Variants in HSBP1L1 observed in about 807,000 individuals in gnomAD.
HSBP1L1 encodes heat shock factor-binding protein 1-like protein 1.
HSBP1L1 carries 8 observed loss-of-function variants against 9.7 expected under a neutral mutation model. That is an observed-to-expected ratio of 0.82 (90% CI 0.48 to 1.48). HSBP1L1 has a LOEUF of 1.48. Among genes scored for constraint, HSBP1L1 ranks in the 40% most tolerant of loss-of-function variants. The pLI is 0.00. For missense variants in HSBP1L1, 106 were observed against 95.8 expected (o/e 1.11, Z -0.44); for synonymous variants, 39 against 34.4 (o/e 1.13, Z -0.46).
At chr18:79,969,024 C>CAAAA (rs1171308274) in intron 3 of HSBP1L1, among the ~76,000 whole-genome samples, 1 of 91,300 alleles carries the variant, frequency 1.1e-5, no homozygotes, top group Non-Finnish European at 2.3e-5. Flanking sequence ...ACTAAAAATA[C>CAAAA]AAAAAAAAAA....
In HSBP1L1 at chr18:79,964,859, T is replaced by TGG. The variant is rs1243275558; in HGVS notation, c.51+80_51+81dup. On this transcript the variant is annotated intron_variant, in intron 1 of 3. Transcript: ENST00000451882. ...GCGGTTCTGGGGGGTTTTGAGGTCC[T>TGG]GGGGGGGGAGCCTGCGGTGCTGGGG... is the stretch of plus-strand genomic sequence containing the variant. 123 of 58,872 alleles carry TGG rather than the reference T, an allele frequency of 2.1e-3. 1 individual carries two copies. Among genetic ancestry groups the TGG allele is most frequent in the African/African-American group, 0.01 (116 of 11,226 alleles). The allele number at this position is 58,872 out of a possible 1,614,324, so 3.6% of individuals were successfully genotyped here.
intron 1 of HSBP1L1, among the ~76,000 whole-genome samples, 183 bp from the exon 2 acceptor site, chr18:79,966,416 TGCTTGTAATCCCA>T (rs2051257426): frequency 6.6e-6 from 1 of 152,076 alleles, no homozygotes; most frequent in African/African-American, 2.4e-5. Flanking sequence ...TGGTGGCACA[TGCTTGTAATCCCA>T]GCTACTTGGA....
intron 3 of HSBP1L1, among the ~76,000 whole-genome samples, chr18:79,969,669 A>ACT (rs1452810926): frequency 1.3e-5 from 2 of 152,166 alleles, no homozygotes; most frequent in Non-Finnish European, 2.9e-5. Context: ...CTGCAGACAC[A>ACT]CTGGCATCAT....
chr18:79,970,373 C>A lies in HSBP1L1; in HGVS notation c.214-67C>A, dbSNP rs559389966. 115 of 717,732 alleles carry A rather than the reference C, an allele frequency of 1.6e-4. 1 individual carries two copies. The East Asian group carries it at 3.0e-3, about 19-fold the overall frequency. The allele number at this position is 717,732 out of a possible 1,614,324, so 44.5% of individuals were successfully genotyped here. On this transcript the variant is annotated intron_variant, in intron 3 of 3. Coordinates refer to ENST00000451882, the MANE Select transcript of HSBP1L1 (RefSeq NM_001136180.2). ...GCACCAGTGAGAACGTTATTAAAAT[C>A]AGGGGTGAACATACTTAATACACCT... is the stretch of plus-strand genomic sequence containing the variant.
intron 3 of HSBP1L1, among the ~76,000 whole-genome samples, chr18:79,969,317 GAAAGAAAGAAAGAAAAAGAAA>G (rs1568356543): frequency 6.7e-5 from 7 of 105,130 alleles, no homozygotes; most frequent in African/African-American, 2.7e-4. Flanking sequence ...AGAAAGGAAA[GAAAGAAAGAAAGAAAAAGAAA>G]GAAAGAAAGA....
chr18:79,968,235 T>TCC (rs2051267611), intron 3 of HSBP1L1, 52 bp downstream of exon 3: 2 of 1,069,918 alleles, frequency 1.9e-6, no homozygotes, highest in African/African-American at 1.6e-5. Flanking sequence ...TTGACTGCTT[T>TCC]CATCTTGAAA....
intron 3 of HSBP1L1, 113 bp downstream of exon 3, chr18:79,968,296 T>A (rs2051267899): frequency 7.7e-6 from 5 of 650,374 alleles, no homozygotes; most frequent in Non-Finnish European, 1.3e-5. Context: ...CTGTGCTGCA[T>A]GAAAACTGCT....
Position 79,967,005 on chromosome 18 carries a change from C to G in HSBP1L1, c.118+327C>G, listed in dbSNP as rs534370016. 2.8e-4 allele frequency: 51 copies of G among 185,186 alleles called. 1 individual carries two copies. The highest frequency in any genetic ancestry group is 2.3e-3 in the Middle Eastern group (1 of 428). 11.5% of individuals were successfully genotyped at this position (185,186 alleles called of 1,614,324 possible). A position where few individuals can be genotyped will look rare whatever the true frequency, so the allele number is the denominator to read the frequency against. Reference sequence around the variant, plus strand: ...CTACTAAAAATACAAAAAATTAGCCCGGCATGGTGGCGGGCGCCTGTAGTC... The same window carrying G: ...CTACTAAAAATACAAAAAATTAGCCGGGCATGGTGGCGGGCGCCTGTAGTC... On this transcript the variant is annotated intron_variant, in intron 2 of 3. Transcript: ENST00000451882.
chr18:79,969,222 A>G (rs149662478), intron 3 of HSBP1L1, among the ~76,000 whole-genome samples: 9 of 92,802 alleles, frequency 9.7e-5, no homozygotes, highest in African/African-American at 2.6e-4. Flanking sequence ...GAAAGAAAGA[A>G]AGAGGAGAGA....
At chr18:79,967,992 T>A in intron 2 of HSBP1L1, 97 bp from the exon 3 acceptor site, 1 of 653,678 alleles carries the variant, frequency 1.5e-6, no homozygotes. Context: ...ATTTCAAAAG[T>A]TGCATGTGCC....
Position 79,970,526 on chromosome 18 carries a change from C to T in HSBP1L1, c.*75C>T, listed in dbSNP as rs937189554. On this transcript the variant is annotated 3_prime_UTR_variant, in exon 4 of 4. Coordinates refer to ENST00000451882, the MANE Select transcript of HSBP1L1 (RefSeq NM_001136180.2). ...GTTACATCGGTCCTGAGGGTGGGGCCCTCATCCAACAGGATTCGTCTTTCT... is the reference window on the plus strand; with the variant it reads ...GTTACATCGGTCCTGAGGGTGGGGCTCTCATCCAACAGGATTCGTCTTTCT... The T allele has an allele frequency of 2.8e-6, 2 of 717,166 alleles. No individual in the cohort carries two copies. The highest frequency in any genetic ancestry group is 4.0e-5 in the Admixed American group (2 of 49,974). 44.4% of individuals were successfully genotyped at this position (717,166 alleles called of 1,614,324 possible).
At chr18:79,969,315 AAG>A (rs2051277533) in intron 3 of HSBP1L1, among the ~76,000 whole-genome samples, 1 of 109,930 alleles carries the variant, frequency 9.1e-6, no homozygotes, top group Non-Finnish European at 1.9e-5. Flanking sequence ...AGAGAAAGGA[AAG>A]AAAGAAAGAA....
intron 2 of HSBP1L1, chr18:79,967,876 G>A (rs766615544): frequency 7.3e-5 from 32 of 437,660 alleles, no homozygotes; most frequent in Non-Finnish European, 1.2e-4. Context: ...AGCAAGGGGA[G>A]CCACGTTTTC....
intron 1 of HSBP1L1, 133 bp from the exon 2 acceptor site, chr18:79,966,479 G>A: frequency 3.3e-6 from 2 of 614,716 alleles, no homozygotes; most frequent in South Asian, 3.8e-5. Flanking sequence ...GGAGGCGGAG[G>A]TTGTAGTGAG....
chr18:79,966,733 C>A, intron 2 of HSBP1L1, 55 bp downstream of exon 2: 1 of 1,240,482 alleles, frequency 8.1e-7, no homozygotes, highest in Non-Finnish European at 1.2e-6. Context: ...GGTAGATTAT[C>A]ATGGAGTATC....
intron 3 of HSBP1L1, among the ~76,000 whole-genome samples, chr18:79,969,392 A>AAAGAAAGAAAG (rs1555716377): frequency 1.4e-5 from 1 of 70,386 alleles, no homozygotes; most frequent in Admixed American, 1.7e-4. Flanking sequence ...AGAAAGAAAG[A>AAAGAAAGAAAG]AAAAAAAACG....
intron 2 of HSBP1L1, 76 bp downstream of exon 2, chr18:79,966,754 C>A: frequency 9.5e-7 from 1 of 1,053,752 alleles, no homozygotes; most frequent in Non-Finnish European, 1.4e-6. Context: ...TTTTTGTTGT[C>A]TGGTAGTAGT....
intron 1 of HSBP1L1, among the ~76,000 whole-genome samples, chr18:79,965,760 A>G (rs1248938994): frequency 1.3e-5 from 2 of 151,890 alleles, no homozygotes; most frequent in Admixed American, 1.3e-4. Context: ...TCCTGCATTC[A>G]TGGTGTGTGG....
rs2051258614 is a variant in HSBP1L1, at chr18:79,966,637, A to G, written c.77A>G (p.Gln26Arg). The G allele has an allele frequency of 6.4e-7, 1 of 1,550,700 alleles. No homozygotes were observed. ...DAAENLFQEL[Q>R]EHFQALTATL... ...GCAGAAAATCTATTTCAGGAACTTC[A>G]GGAACATTTTCAAGCTCTGACGGCA... The change falls in exon 2 of 4, where the codon CAG (glutamine) becomes CGG (arginine). Residue 26 changes from glutamine (Q) to arginine (R), a missense_variant. Physicochemically the swap from Gln to Arg is conservative, Grantham distance 43. Coordinates refer to ENST00000451882, the MANE Select transcript of HSBP1L1 (RefSeq NM_001136180.2).
Sources: gnomAD v4.1 joint callset for allele counts (sites outside exome capture counted in the v4.1 genomes callset) on GRCh38, gnomAD v4.1.1 for gene constraint, MANE v1.5 for transcripts, NCBI Gene and HGNC (gene_info 2026-07-23, HGNC 2026-07-21) for gene names.